RACGAP1: variants seen among roughly 807,000 people sequenced by gnomAD.
RACGAP1 encodes the protein Rac GTPase activating protein 1.
In RACGAP1, 30 loss-of-function variants were observed where a neutral mutation model predicts 78.1. The ratio of observed to expected loss-of-function variants is 0.38; its 90% confidence interval spans 0.29 to 0.52. The LOEUF (loss-of-function observed/expected upper bound fraction) is 0.52. RACGAP1 is among the 20% of genes least tolerant of loss of function. The probability of loss-of-function intolerance (pLI) is 0.82; values close to 1 mark genes in which losing one functional copy is unlikely to be tolerated. For missense variants in RACGAP1, 587 were observed against 777.1 expected (o/e 0.76, Z 2.91); for synonymous variants, 231 against 264.8 (o/e 0.87, Z 1.24).
At chr12:50,007,742 A>G (rs1307182202) in intron 2 of RACGAP1, among the ~76,000 whole-genome samples, 1 of 152,246 alleles carries the variant, frequency 6.6e-6, no homozygotes, top group Non-Finnish European at 1.5e-5. Flanking sequence ...CCAAGTAATA[A>G]GGAAACTTTA....
chr12:49,994,551 T>G, intron 10 of RACGAP1, 42 bp from the exon 11 acceptor site: 1 of 1,594,146 alleles, frequency 6.3e-7, no homozygotes, highest in Non-Finnish European at 8.5e-7. Context: ...TTACGCCATG[T>G]AGACCAACAG....
intron 1 of RACGAP1, among the ~76,000 whole-genome samples, chr12:50,022,816 G>C (rs1390997543): frequency 3.9e-5 from 6 of 152,142 alleles, no homozygotes; most frequent in African/African-American, 1.4e-4. Context: ...TGGACGTTTA[G>C]GTCATTTCCA....
chr12:49,994,023 G>C, intron 12 of RACGAP1, 108 bp downstream of exon 12: 1 of 1,109,716 alleles, frequency 9.0e-7, no homozygotes, highest in Non-Finnish European at 1.2e-6. Context: ...CAGCCTGGGC[G>C]AGAGTGAGAC....
chr12:50,009,980 C>T lies in RACGAP1; in HGVS notation c.86-3344G>A, dbSNP rs143896025. Among the ~76,000 whole-genome samples, 542 of 152,342 alleles carry T rather than the reference C, an allele frequency of 3.6e-3. 2 individuals are homozygous for T. The highest frequency in any genetic ancestry group is 0.013 in the African/African-American group (522 of 41,582). ...TCTTCTGTTTCATGAGAAAAAAATC[C>T]TGTCTCTGAAACTAAAATACCATAA... On this transcript the variant is annotated intron_variant, in intron 2 of 16. Transcript: ENST00000312377.
At chr12:50,021,438 G>A (rs1950004093) in intron 1 of RACGAP1, among the ~76,000 whole-genome samples, 1 of 152,208 alleles carries the variant, frequency 6.6e-6, no homozygotes, top group South Asian at 2.1e-4. Context: ...CCCTAAGGGA[G>A]CAATCTGGAA....
Sources: gnomAD v4.1 joint callset for allele counts (sites outside exome capture counted in the v4.1 genomes callset) on GRCh38, gnomAD v4.1.1 for gene constraint, MANE v1.5 for transcripts, NCBI Gene and HGNC (gene_info 2026-07-23, HGNC 2026-07-21) for gene names.